The following RXRG variants were observed in gnomAD, a reference collection of about 807,000 sequenced individuals.
The protein encoded by RXRG is retinoic acid receptor RXR-gamma.
In RXRG, 19 loss-of-function variants were observed where a neutral mutation model predicts 49.2. That is an observed-to-expected ratio of 0.39 (90% CI 0.27 to 0.57). The LOEUF (loss-of-function observed/expected upper bound fraction) is 0.57. Ranked by LOEUF, RXRG falls within the 20% of genes least tolerant of loss-of-function variation. The pLI is 0.64. For synonymous variants in RXRG, 224 were observed against 216.6 expected (o/e 1.03, Z -0.30); for missense variants, 452 against 592.5 (o/e 0.76, Z 2.46).
At chr1:165,434,666 G>A (rs285480) in intron 1 of RXRG, among the ~76,000 whole-genome samples, 110,732 of 152,098 alleles carry the variant, frequency 0.73, 40,702 homozygotes, top group Middle Eastern at 0.88. Flanking sequence ...ATGAAGTCAC[G>A]GGAGCACCAT....
intron 9 of RXRG, among the ~76,000 whole-genome samples, chr1:165,403,596 C>T (rs114839477): frequency 2.6e-5 from 4 of 152,170 alleles, no homozygotes; most frequent in African/African-American, 7.2e-5. Flanking sequence ...AGTGGTAAAG[C>T]CCCTGAAAGC....
chr1:165,415,273 G>A (rs150849545), intron 4 of RXRG, among the ~76,000 whole-genome samples: 1 of 152,334 alleles, frequency 6.6e-6, no homozygotes, highest in African/African-American at 2.4e-5. Flanking sequence ...TGGTATAGTT[G>A]AGGATCACCA....
chr1:165,444,195 C>G (rs1430912348), intron 1 of RXRG, among the ~76,000 whole-genome samples: 1 of 152,124 alleles, frequency 6.6e-6, no homozygotes, highest in East Asian at 1.9e-4. Flanking sequence ...GATCTCTACC[C>G]CCAGAGTGGA....
chr1:165,440,204 T>C (rs1658938440), intron 1 of RXRG, among the ~76,000 whole-genome samples: 1 of 152,228 alleles, frequency 6.6e-6, no homozygotes, highest in Non-Finnish European at 1.5e-5. Flanking sequence ...TCTGCTGCTT[T>C]TCCTCATATT....
At chr1:165,430,716 A>G (rs1475515636) in intron 1 of RXRG, among the ~76,000 whole-genome samples, 3 of 152,254 alleles carry the variant, frequency 2.0e-5, no homozygotes, top group African/African-American at 2.4e-5. Context: ...TAATAACTCA[A>G]ACATTTATTA....
intron 3 of RXRG, among the ~76,000 whole-genome samples, chr1:165,417,632 T>C (rs1658168220): frequency 6.6e-6 from 1 of 152,226 alleles, no homozygotes; most frequent in Admixed American, 6.5e-5. Flanking sequence ...TAACTAATTA[T>C]AATTGAGACC....
chr1:165,419,922 G>A lies in RXRG; in HGVS notation c.390C>T (p.Ser130=), dbSNP rs1452854810. The change falls in exon 3 of 10, where the codon AGC becomes AGT. Residue 130 remains serine, a synonymous_variant. Coordinates refer to ENST00000359842, the MANE Select transcript of RXRG (RefSeq NM_006917.5). ...AGATGTGTTTAACCAGAGATCCGGGGCTGGTGGATGGGTAGTTCATGTTTC... is the reference window on the plus strand; with the variant it reads ...AGATGTGTTTAACCAGAGATCCGGGACTGGTGGATGGGTAGTTCATGTTTC... ...GIGNMNYPST[S]PGSLVKHICA... 6.2e-7 allele frequency: 1 copy of A among 1,613,542 alleles called. No homozygotes were observed. Among genetic ancestry groups the A allele is most frequent in the African/African-American group, 1.3e-5 (1 of 75,036 alleles).
At chr1:165,443,213 A>AC (rs1307549739) in intron 1 of RXRG, among the ~76,000 whole-genome samples, 1 of 151,660 alleles carries the variant, frequency 6.6e-6, no homozygotes, top group African/African-American at 2.4e-5. Flanking sequence ...CCTTTTATTC[A>AC]CCCCAACTGT....
intron 1 of RXRG, among the ~76,000 whole-genome samples, chr1:165,430,888 G>A (rs1200052952): frequency 6.6e-6 from 1 of 152,158 alleles, no homozygotes; most frequent in African/African-American, 2.4e-5. Flanking sequence ...TTGTCTAGAA[G>A]CTCTTATTCA....
chr1:165,417,768 C>T (rs1450714922), intron 3 of RXRG, among the ~76,000 whole-genome samples: 2 of 152,196 alleles, frequency 1.3e-5, no homozygotes, highest in Non-Finnish European at 1.5e-5. Context: ...ATCTTTATAT[C>T]ATCATATGAC....
At chr1:165,401,616 C>T (rs573378536) in intron 9 of RXRG, among the ~76,000 whole-genome samples, 12 of 152,318 alleles carry the variant, frequency 7.9e-5, no homozygotes, top group African/African-American at 2.4e-4. Context: ...GAAGCTGGAG[C>T]GCATGACCCT....
At position 165,444,872 on chromosome 1, in the gene RXRG, A is replaced by G; in HGVS notation, c.22T>C (p.Phe8Leu). MYGNYSH[F>L]MKFPAGYGGS... ...CCATAGCCTGCGGGAAACTTCATGA[A>G]GTGAGAATAATTTCCATACATGTTT... The change falls in exon 1 of 10, where the codon TTC becomes CTC. Residue 8 changes from phenylalanine (F) to leucine (L), a missense_variant. Coordinates refer to ENST00000359842, the MANE Select transcript of RXRG (RefSeq NM_006917.5). 2 of 1,614,204 alleles carry G rather than the reference A, an allele frequency of 1.2e-6. No homozygotes were observed. Among genetic ancestry groups the G allele is most frequent in the East Asian group, 4.5e-5 (2 of 44,880 alleles).
In RXRG at chr1:165,401,244, AG is replaced by A; in HGVS notation, c.*18del. 1 of 1,612,908 alleles carries A rather than the reference AG, an allele frequency of 6.2e-7. No individual in the cohort carries two copies. Among genetic ancestry groups the A allele is most frequent in the Non-Finnish European group, 8.5e-7 (1 of 1,179,542 alleles). On this transcript the variant is annotated 3_prime_UTR_variant, in exon 10 of 10. Transcript: ENST00000359842. ...TGCCCAGGGGTCATCCTGGGTGGGG[AG>A]GCTGTGGCTGGTGGGGCTCAGGTGA...
At chr1:165,439,955 GAGA>G (rs1225418681) in intron 1 of RXRG, among the ~76,000 whole-genome samples, 4 of 152,166 alleles carry the variant, frequency 2.6e-5, no homozygotes, top group Non-Finnish European at 4.4e-5. Flanking sequence ...AAAGAGGAGG[GAGA>G]AGAAGATTAG....
chr1:165,421,144 GCT>G (rs1301712877), intron 2 of RXRG, among the ~76,000 whole-genome samples: 1 of 152,196 alleles, frequency 6.6e-6, no homozygotes, highest in Non-Finnish European at 1.5e-5. Flanking sequence ...AAATTCACGA[GCT>G]TTTTCAATTC....
chr1:165,401,457 G>C (rs752965682), intron 9 of RXRG, 47 bp from the exon 10 acceptor site: 17 of 1,606,066 alleles, frequency 1.1e-5, no homozygotes, highest in Non-Finnish European at 1.2e-5. Flanking sequence ...GGCAGGCACT[G>C]CACACCTGCA....
intron 2 of RXRG, among the ~76,000 whole-genome samples, chr1:165,426,295 T>C (rs1658484251): frequency 6.6e-6 from 1 of 152,166 alleles, no homozygotes; most frequent in African/African-American, 2.4e-5. Flanking sequence ...GTAAAGTAGT[T>C]TATTTGGCCT....
Position 165,440,929 on chromosome 1 carries a change from C to T in RXRG, c.49+3916G>A, listed in dbSNP as rs557406937. 7.9e-5 allele frequency among the ~76,000 whole-genome samples: 12 copies of T among 152,332 alleles called. No homozygotes were observed. The South Asian group carries it at 1.9e-3, about 24-fold the overall frequency. ...TAAATGTTTTAGAAAATAGTTTATA[C>T]GAAATATGTTCCTTCCTAAATCTCA... On this transcript the variant is annotated intron_variant, in intron 1 of 9. Transcript: ENST00000359842.
intron 6 of RXRG, 50 bp downstream of exon 6, chr1:165,410,652 A>G (rs1657913589): frequency 1.2e-6 from 2 of 1,608,734 alleles, no homozygotes; most frequent in African/African-American, 2.7e-5. Context: ...TAGGATCCCA[A>G]GAGCAATTTC....
Sources: gnomAD v4.1 joint callset for allele counts (sites outside exome capture counted in the v4.1 genomes callset) on GRCh38, gnomAD v4.1.1 for gene constraint, MANE v1.5 for transcripts, NCBI Gene and HGNC (gene_info 2026-07-23, HGNC 2026-07-21) for gene names.